The following FUBP1 variants were observed in gnomAD, a reference collection of about 807,000 sequenced individuals.
FUBP1 encodes far upstream element-binding protein 1.
FUBP1 carries 16 observed loss-of-function variants against 94.9 expected under a neutral mutation model. The ratio of observed to expected loss-of-function variants is 0.17; its 90% CI spans 0.11 to 0.26. The LOEUF is 0.26. Among genes scored for constraint, FUBP1 ranks in the 10% least tolerant of loss-of-function variants. The pLI is 1.00. For missense variants in FUBP1, 583 were observed against 808.6 expected, an observed-to-expected ratio of 0.72 and a Z score of 3.38; for synonymous variants, 279 against 254.9, an observed-to-expected ratio of 1.09 and a Z score of -0.90.
intron 1 of FUBP1, among the ~76,000 whole-genome samples, chr1:77,975,846 T>A (rs543612529): frequency 2.1e-4 from 31 of 150,822 alleles, no homozygotes; most frequent in African/African-American, 5.9e-4. Flanking sequence ...CAGGATATTA[T>A]AAAAATCTAA....
intron 18 of FUBP1, among the ~76,000 whole-genome samples, chr1:77,949,946 C>G (rs1056864241): frequency 2.4e-4 from 36 of 152,106 alleles, no homozygotes; most frequent in African/African-American, 8.4e-4. Flanking sequence ...GAATAAAGAA[C>G]AAGATCAATG....
intron 1 of FUBP1, among the ~76,000 whole-genome samples, chr1:77,978,355 C>T (rs1043170413): frequency 1.3e-5 from 2 of 152,168 alleles, no homozygotes; most frequent in Admixed American, 6.5e-5. Context: ...CACGTAAATC[C>T]CGCCCAGAAA....
Position 77,963,572 on chromosome 1 carries a change from G to A in FUBP1, c.1183+2C>T, listed in dbSNP as rs1247836425. The A allele has an allele frequency of 6.5e-7, 1 of 1,537,876 alleles. No individual in the cohort carries two copies. The highest frequency in any genetic ancestry group is 1.1e-5 in the South Asian group (1 of 89,096). ...AAACATTAAGAGTTTAAAATACATT[G>A]CCTTTTCCTATTATTAATCCAGTTT... On this transcript the variant is annotated splice_donor_variant, in intron 13 of 19. Coordinates refer to ENST00000370768, the MANE Select transcript of FUBP1 (RefSeq NM_003902.5). LOFTEE classifies it low-confidence loss of function (GC_TO_GT_DONOR).
chr1:77,962,621 C>T, intron 14 of FUBP1, 149 bp downstream of exon 14: 1 of 458,718 alleles, frequency 2.2e-6, no homozygotes, highest in Non-Finnish European at 3.8e-6. Context: ...GCTGGAAAAT[C>T]TTCACGTTGT....
Position 77,955,329 on chromosome 1 carries a change from C to T in FUBP1, c.1706G>A (p.Gly569Glu). The T allele has an allele frequency of 6.4e-7, 1 of 1,567,572 alleles. No individual in the cohort carries two copies. The highest frequency in any genetic ancestry group is 8.8e-7 in the Non-Finnish European group (1 of 1,138,442). The change falls in exon 18 of 20, where the codon GGA (glycine) becomes GAA (glutamate). Residue 569 changes from glycine to glutamate, a missense_variant and splice_region_variant. Gly to Glu is a moderately conservative substitution (Grantham distance 98, BLOSUM62 -2). Coordinates refer to ENST00000370768, the MANE Select transcript of FUBP1 (RefSeq NM_003902.5). ...AGCTGGGGCTGGATTCTGCTGATCT[C>T]CTTGTTCAAGCAAAACAAAACAAAA... Reference protein sequence around the residue: ...APTTTQTNGQGDQQNPAPAGQ... With the variant: ...APTTTQTNGQEDQQNPAPAGQ...
At chr1:77,965,964 C>A (rs1215377508) in intron 7 of FUBP1, among the ~76,000 whole-genome samples, 1 of 152,174 alleles carries the variant, frequency 6.6e-6, no homozygotes, top group Non-Finnish European at 1.5e-5. Flanking sequence ...TTGCAGTGAG[C>A]CGAGATCGTG....
At chr1:77,968,805 T>C (rs1350671119) in intron 2 of FUBP1, among the ~76,000 whole-genome samples, 5 of 152,144 alleles carry the variant, frequency 3.3e-5, no homozygotes, top group Non-Finnish European at 7.4e-5. Context: ...ATTACACAGA[T>C]GAATACAATG....
intron 14 of FUBP1, among the ~76,000 whole-genome samples, chr1:77,961,991 C>A (rs1051323149): frequency 1.3e-5 from 2 of 152,150 alleles, no homozygotes; most frequent in African/African-American, 4.8e-5. Flanking sequence ...TTGTTTTGCA[C>A]GCACCCCATT....
At chr1:77,948,994 A>C (rs1652793051) in intron 19 of FUBP1, 161 bp downstream of exon 19, 2 of 919,452 alleles carry the variant, frequency 2.2e-6, no homozygotes, top group Non-Finnish European at 3.4e-6. Context: ...GCATTATAAA[A>C]AACAAAAAAA....
Position 77,947,300 on chromosome 1 carries a change from TC to T in FUBP1, c.*1465del, listed in dbSNP as rs2102217716. 2.7e-6 allele frequency: 1 copy of T among 371,144 alleles called. No individual in the cohort carries two copies. Among genetic ancestry groups the T allele is most frequent in the African/African-American group, 2.0e-5 (1 of 48,996 alleles). 23.0% of individuals were successfully genotyped at this position (371,144 alleles called of 1,614,324 possible). ...AAAAAAATACAGAACTATGTATTATTCTATGTTAAATTAAGAGGCAGTTATG... is the reference window on the plus strand; with the variant it reads ...AAAAAAATACAGAACTATGTATTATTTATGTTAAATTAAGAGGCAGTTATG... On this transcript the variant is annotated 3_prime_UTR_variant, in exon 20 of 20. Transcript: ENST00000370768.
At chr1:77,963,048 T>C (rs917886642) in intron 13 of FUBP1, 118 bp from the exon 14 acceptor site, 53 of 596,872 alleles carry the variant, frequency 8.9e-5, no homozygotes, top group South Asian at 3.9e-4. Flanking sequence ...AGTATCCTAA[T>C]TGACAATATT....
Position 77,957,045 on chromosome 1 carries a change from A to AAC in FUBP1, c.1577-346_1577-345insGT, listed in dbSNP as rs770401630. Among the ~76,000 whole-genome samples the AAC allele has an allele frequency of 2.9e-4, 44 of 152,358 alleles. 1 individual carries two copies. The highest frequency in any genetic ancestry group is 4.6e-4 in the Admixed American group (7 of 15,298). ...TTTCTAAATTGGTTTCGCCTCAAGC[A>AAC]CAAACAGCTCTATCTAGAAGATGAC... On this transcript the variant is annotated intron_variant, in intron 16 of 19. Transcript: ENST00000370768.
chr1:77,975,291 C>T (rs1037146134), intron 1 of FUBP1, among the ~76,000 whole-genome samples: 3 of 152,064 alleles, frequency 2.0e-5, no homozygotes, highest in South Asian at 2.1e-4. Context: ...TGTGAAGAAA[C>T]GTGGACACTA....
chr1:77,975,622 T>C (rs1658451205), intron 1 of FUBP1, among the ~76,000 whole-genome samples: 1 of 152,188 alleles, frequency 6.6e-6, no homozygotes, highest in African/African-American at 2.4e-5. Flanking sequence ...TACCTTCATA[T>C]AACCTCGAGG....
chr1:77,971,266 A>G (rs561444967), intron 1 of FUBP1, among the ~76,000 whole-genome samples: 2 of 152,360 alleles, frequency 1.3e-5, no homozygotes, highest in South Asian at 4.1e-4. Context: ...TGGGCTCATG[A>G]GAATTTATTA....
chr1:77,970,052 T>C, intron 1 of FUBP1, 37 bp from the exon 2 acceptor site: 1 of 1,075,976 alleles, frequency 9.3e-7, no homozygotes, highest in African/African-American at 1.6e-5. Flanking sequence ...CATAAACTAT[T>C]ATATACTATT....
intron 3 of FUBP1, among the ~76,000 whole-genome samples, 193 bp from the exon 4 acceptor site, chr1:77,967,859 CATT>C (rs1656803964): frequency 6.6e-6 from 1 of 152,086 alleles, no homozygotes; most frequent in East Asian, 1.9e-4. Flanking sequence ...AAAGGGAAGA[CATT>C]ATATTAGCAA....
upstream of FUBP1, chr1:77,979,080 C>CGGCCG (rs71244403): frequency 0.096 from 133,837 of 1,396,134 alleles, 8,324 homozygotes; most frequent in Non-Finnish European, 0.11. Flanking sequence ...AAGAAAATGG[C>CGGCCG]GGCCGTCGAA....
intron 7 of FUBP1, among the ~76,000 whole-genome samples, 199 bp downstream of exon 7, chr1:77,966,495 T>C (rs1656523363): frequency 6.6e-6 from 1 of 152,144 alleles, no homozygotes; most frequent in Non-Finnish European, 1.5e-5. Flanking sequence ...TTTTAACCAT[T>C]TTCTGTGTTT....
Sources: allele counts gnomAD v4.1 joint callset (sites outside exome capture counted in the v4.1 genomes callset), GRCh38; gene constraint gnomAD v4.1.1; transcripts MANE v1.5; gene names NCBI Gene and HGNC (gene_info 2026-07-23, HGNC 2026-07-21).